The following RP1 variants were observed in gnomAD, a reference collection of about 807,000 sequenced individuals.
RP1 encodes oxygen-regulated protein 1.
RP1 carries 16 observed loss-of-function variants against 14.8 expected under a neutral mutation model. The observed-to-expected ratio is 1.08, with a 90% CI of 0.73 to 1.65. The LOEUF (loss-of-function observed/expected upper bound fraction) is 1.65. Among genes scored for constraint, RP1 ranks in the 40% most tolerant of loss-of-function variants. The pLI, the probability that RP1 is intolerant of heterozygous loss-of-function variation, is 0.00. For synonymous variants in RP1, 876 were observed against 883.6 expected (o/e 0.99, Z 0.15); for missense variants, 2,631 against 2,535.0 (o/e 1.04, Z -0.81).
At chr8:54,605,108 C>G (rs557966514) in intron 1 of RP1, among the ~76,000 whole-genome samples, 3 of 152,226 alleles carry the variant, frequency 2.0e-5, no homozygotes, top group South Asian at 4.2e-4. Flanking sequence ...TCTTGCTTCT[C>G]TAGTTCTTTT....
chr8:54,607,710 C>G (rs1805490123), intron 1 of RP1, among the ~76,000 whole-genome samples: 1 of 152,180 alleles, frequency 6.6e-6, no homozygotes, highest in South Asian at 2.1e-4. Context: ...AGGTTCCTGG[C>G]CACTTTGTTT....
At chr8:54,759,130 CTGTGTGTGTGTG>C (rs3077333) in intron 22 of RP1, 697 of 768,312 alleles carry the variant, frequency 9.1e-4, no homozygotes, top group African/African-American at 3.1e-3. Context: ...GTGGATGATG[CTGTGTGTGTGTG>C]TGTGTGTGTG....
chr8:54,658,478 G>A (rs949421619), intron 6 of RP1, among the ~76,000 whole-genome samples: 2 of 145,382 alleles, frequency 1.4e-5, no homozygotes, highest in Non-Finnish European at 3.0e-5. Context: ...GTGAACCCGG[G>A]AGGCGGAGCT....
chr8:54,621,663 C>A, intron 2 of RP1, 82 bp downstream of exon 2: 3 of 1,594,080 alleles, frequency 1.9e-6, no homozygotes, highest in East Asian at 2.2e-5. Context: ...TGAATGGTGG[C>A]CCCCGGGAAG....
intron 24 of RP1, among the ~76,000 whole-genome samples, chr8:54,829,410 G>A (rs1462050694): frequency 7.2e-5 from 11 of 151,976 alleles, no homozygotes; most frequent in Admixed American, 7.2e-4. Flanking sequence ...AGAATTAGAT[G>A]AAACCAGAAA....
intron 11 of RP1, chr8:54,679,640 T>C: frequency 2.6e-6 from 4 of 1,535,828 alleles, no homozygotes; most frequent in African/African-American, 2.7e-5. Context: ...AAGATTTTGT[T>C]TGGGCTTTAG....
intron 25 of RP1, among the ~76,000 whole-genome samples, chr8:54,843,548 T>C (rs1005387860): frequency 2.0e-5 from 3 of 152,192 alleles, no homozygotes; most frequent in African/African-American, 7.2e-5. Flanking sequence ...TTGCCATCTG[T>C]TCCTGAGATC....
At chr8:54,741,583 A>G (rs2129359596) in intron 19 of RP1, among the ~76,000 whole-genome samples, 1 of 151,682 alleles carries the variant, frequency 6.6e-6, no homozygotes, top group African/African-American at 2.4e-5. Flanking sequence ...TTACACAATA[A>G]TGAAATTGCC....
intron 22 of RP1, among the ~76,000 whole-genome samples, chr8:54,768,155 G>T (rs1264539641): frequency 1.3e-5 from 2 of 152,154 alleles, no homozygotes; most frequent in African/African-American, 2.4e-5. Context: ...AATCTCATTG[G>T]ACTCTGTACC....
intron 4 of RP1, chr8:54,649,166 G>C (rs1484762868): frequency 6.9e-7 from 1 of 1,457,376 alleles, no homozygotes; most frequent in Non-Finnish European, 8.9e-7. Context: ...ATAAAACTGA[G>C]TATAAACTGT....
intron 15 of RP1, among the ~76,000 whole-genome samples, chr8:54,708,431 A>C (rs1223369346): frequency 9.3e-5 from 14 of 150,082 alleles, no homozygotes; most frequent in African/African-American, 3.2e-4. Flanking sequence ...ATCTCGGCTC[A>C]CTGCAAGCTC....
chr8:54,680,801 A>G (rs534818477), intron 12 of RP1, among the ~76,000 whole-genome samples: 7 of 152,074 alleles, frequency 4.6e-5, no homozygotes, highest in Non-Finnish European at 8.8e-5. Flanking sequence ...TACTAAAAAT[A>G]CAAAAAATTA....
chr8:54,559,302 A>G (rs989621635), exon 1 of RP1: 2 of 152,178 alleles, frequency 1.3e-5, no homozygotes, highest in Non-Finnish European at 2.9e-5. Flanking sequence ...AGTTTCTACA[A>G]ACATTTTGGA....
upstream of RP1, among the ~76,000 whole-genome samples, chr8:54,611,621 TC>T (rs1365955548): frequency 2.1e-4 from 32 of 152,344 alleles, no homozygotes; most frequent in African/African-American, 7.5e-4. Context: ...GTCCATGTGT[TC>T]CTTTAGTGCT....
At chr8:54,670,540 T>A (rs13257853) in intron 7 of RP1, among the ~76,000 whole-genome samples, 1 of 124,032 alleles carries the variant, frequency 8.1e-6, no homozygotes, top group Non-Finnish European at 1.7e-5. Context: ...TATACATATA[T>A]ATGTATGTAT....
In RP1 at chr8:54,755,659, G is replaced by A. The variant is rs541081000; in HGVS notation, c.2982G>A (p.Lys994=). ...TTGACGTCTACACTGGGCAGCTGAA[G>A]CATGCAGAGACGGAGTCTGAGGTTT... Residue 994 remains lysine, a synonymous_variant, in exon 21 of 23, where the codon AAG becomes AAA. Transcript: ENST00000636932. The A allele has an allele frequency of 6.1e-5, 93 of 1,536,022 alleles. 1 individual carries two copies. In the South Asian group the frequency reaches 9.2e-4, roughly 15 times the overall value.
chr8:54,616,979 G>A (rs142619581), intron 1 of RP1, among the ~76,000 whole-genome samples: 88 of 152,256 alleles, frequency 5.8e-4, no homozygotes, highest in African/African-American at 1.9e-3. Flanking sequence ...GCCTAAGGGT[G>A]TTAAAAAATC....
chr8:54,603,876 G>A (rs1371661690), intron 1 of RP1, among the ~76,000 whole-genome samples: 1 of 152,134 alleles, frequency 6.6e-6, no homozygotes, highest in African/African-American at 2.4e-5. Flanking sequence ...TGTGATTTTT[G>A]TACACTGATT....
intron 18 of RP1, among the ~76,000 whole-genome samples, chr8:54,735,589 T>C (rs540701036): frequency 6.6e-6 from 1 of 152,186 alleles, no homozygotes; most frequent in Non-Finnish European, 1.5e-5. Context: ...TCACTAATAC[T>C]CAAATGGTTT....
Sources: gnomAD v4.1 joint callset for allele counts (sites outside exome capture counted in the v4.1 genomes callset) on GRCh38, gnomAD v4.1.1 for gene constraint, MANE v1.5 for transcripts, NCBI Gene and HGNC (gene_info 2026-07-23, HGNC 2026-07-21) for gene names.